The following PLEK2 variants were observed in gnomAD, a reference collection of about 807,000 sequenced individuals.
PLEK2 encodes pleckstrin-2.
In PLEK2, 29 loss-of-function variants were observed where a neutral mutation model predicts 43.8. That is an observed-to-expected ratio of 0.66 (90% CI 0.49 to 0.90). The LOEUF (loss-of-function observed/expected upper bound fraction) is 0.90. PLEK2 is among the 40% of genes least tolerant of loss of function. The probability of loss-of-function intolerance (pLI) is 0.00; values close to 1 mark genes in which losing one functional copy is unlikely to be tolerated. For synonymous variants in PLEK2, 162 were observed against 173.2 expected (o/e 0.94, Z 0.51); for missense variants, 398 against 448.1 (o/e 0.89, Z 1.01).
intron 7 of PLEK2, among the ~76,000 whole-genome samples, chr14:67,390,342 C>T (rs986788642): frequency 6.6e-6 from 1 of 152,146 alleles, no homozygotes; most frequent in Non-Finnish European, 1.5e-5. Flanking sequence ...GTAGGAGTCT[C>T]TGTCAGCCTA....
Position 67,392,531 on chromosome 14 carries a change from T to A in PLEK2, c.670-104A>T, listed in dbSNP as rs1595655623. On this transcript the variant is annotated intron_variant, in intron 5 of 8. Transcript: ENST00000216446. ...GAAATTCCTCAGGACAGGAACCTCA[T>A]TCTGCATCAGGATGAAGTCGTCCCC... 7 of 1,216,084 alleles carry A rather than the reference T, an allele frequency of 5.8e-6. No homozygotes were observed. The East Asian group carries it at 7.0e-5, about 12-fold the overall frequency. 75.3% of individuals were successfully genotyped at this position (1,216,084 alleles called of 1,614,324 possible).
chr14:67,398,277 T>C (rs1442037791), intron 1 of PLEK2, among the ~76,000 whole-genome samples: 1 of 152,102 alleles, frequency 6.6e-6, no homozygotes, highest in East Asian at 1.9e-4. Flanking sequence ...CAGGCTGGAG[T>C]ACAGTGGCAT....
intron 3 of PLEK2, among the ~76,000 whole-genome samples, chr14:67,393,859 A>T (rs969874287): frequency 6.6e-6 from 1 of 152,150 alleles, no homozygotes; most frequent in Non-Finnish European, 1.5e-5. Context: ...GTTTCACAAG[A>T]AAGTCTGAGG....
chr14:67,387,925 G>A (rs1031829334), intron 8 of PLEK2, among the ~76,000 whole-genome samples: 1 of 152,192 alleles, frequency 6.6e-6, no homozygotes, highest in Non-Finnish European at 1.5e-5. Flanking sequence ...AAGGTATGTT[G>A]TTAACCCTAA....
At chr14:67,403,498 A>G (rs1002280065) in intron 1 of PLEK2, among the ~76,000 whole-genome samples, 4 of 152,206 alleles carry the variant, frequency 2.6e-5, no homozygotes, top group Non-Finnish European at 5.9e-5. Context: ...CCAGCCAAAT[A>G]TTCTCTGTCC....
chr14:67,396,199 G>A (rs1330680698), intron 2 of PLEK2, among the ~76,000 whole-genome samples: 5 of 151,718 alleles, frequency 3.3e-5, no homozygotes, highest in Non-Finnish European at 4.4e-5. Flanking sequence ...CCAGGCTGGA[G>A]TACAATGGTG....
chr14:67,392,662 A>G lies in PLEK2; in HGVS notation c.669T>C (p.Phe223=). The G allele has an allele frequency of 6.2e-7, 1 of 1,608,450 alleles. No homozygotes were observed. The highest frequency in any genetic ancestry group is 8.5e-7 in the Non-Finnish European group (1 of 1,176,232). Reference sequence around the variant, plus strand: ...AAGAAGAACCCACTCCCCAACTTACAAAAGTGTACAGGGCTGTGGAGTCAT... The same window carrying G: ...AAGAAGAACCCACTCCCCAACTTACGAAAGTGTACAGGGCTGTGGAGTCAT... ...FLDDSTALYT[F]AESYKKKISP... Residue 223 remains phenylalanine (F), a splice_region_variant and synonymous_variant, in exon 5 of 9, where the codon TTT becomes TTC. Transcript: ENST00000216446.
intron 1 of PLEK2, among the ~76,000 whole-genome samples, chr14:67,399,655 G>C (rs931756063): frequency 1.4e-5 from 2 of 147,516 alleles, no homozygotes; most frequent in Non-Finnish European, 2.9e-5. Context: ...GTTCTCAGGT[G>C]GCAGGAATAA....
At chr14:67,388,201 C>G (rs1159085063) in intron 8 of PLEK2, 23 bp downstream of exon 8, 1 of 1,544,148 alleles carries the variant, frequency 6.5e-7, no homozygotes, top group Non-Finnish European at 9.0e-7. Flanking sequence ...GATCTTCAGG[C>G]CAGGGCTGAA....
Position 67,397,766 on chromosome 14 carries a change from A to C in PLEK2, c.103T>G (p.Tyr35Asp), listed in dbSNP as rs759671979. 6.2e-7 allele frequency: 1 copy of C among 1,613,478 alleles called. No individual in the cohort carries two copies. The highest frequency in any genetic ancestry group is 8.5e-7 in the Non-Finnish European group (1 of 1,179,678). ...CTCCGACCCCCCTCAAGCTTGTAGTACACCAGCGTGTTCTGCCGAAGGATG... is the reference window on the plus strand; with the variant it reads ...CTCCGACCCCCCTCAAGCTTGTAGTCCACCAGCGTGTTCTGCCGAAGGATG... ...WFILRQNTLV[Y>D]YKLEGGRRVT... is the part of the protein sequence containing the mutation. Residue 35 changes from tyrosine (Y) to aspartate (D), a missense_variant, in exon 2 of 9, where the codon TAC (tyrosine) becomes GAC (aspartate). Coordinates refer to ENST00000216446, the MANE Select transcript of PLEK2 (RefSeq NM_016445.3).
chr14:67,390,808 C>G (rs2085960974), intron 6 of PLEK2, 62 bp from the exon 7 acceptor site: 3 of 1,159,952 alleles, frequency 2.6e-6, no homozygotes, highest in Non-Finnish European at 3.9e-6. Flanking sequence ...TCTCCTGTAT[C>G]TATGCATGTA....
intron 2 of PLEK2, among the ~76,000 whole-genome samples, chr14:67,396,374 C>T (rs2086009790): frequency 6.6e-6 from 1 of 151,074 alleles, no homozygotes; most frequent in South Asian, 2.1e-4. Flanking sequence ...TCTTGAACTC[C>T]TGACCTCAGG....
At chr14:67,392,897 C>T (rs754716828) in intron 4 of PLEK2, 48 bp from the exon 5 acceptor site, 9 of 1,492,664 alleles carry the variant, frequency 6.0e-6, no homozygotes, top group Non-Finnish European at 7.3e-6. Context: ...GACCAGCGTC[C>T]TTGGGGTGTG....
rs1394335375 is a variant in PLEK2 at position 67,388,300 on chromosome 14, T to C, written c.858A>G (p.Glu286=). Residue 286 remains glutamate (E), a splice_region_variant and synonymous_variant, in exon 8 of 9, where the codon GAA becomes GAG. Coordinates refer to ENST00000216446, the MANE Select transcript of PLEK2 (RefSeq NM_016445.3). ...AAAACCCACCCACTGGCCTGTTCTC[T>C]TCCTGTAGAGGAAAGGAGACCCAAT... ...AFLHYYDPSK[E]ENRPVGGFSL... 12 of 1,607,480 alleles carry C rather than the reference T, an allele frequency of 7.5e-6. No individual in the cohort carries two copies. The highest frequency in any genetic ancestry group is 2.7e-5 in the African/African-American group (2 of 74,832).
chr14:67,404,961 C>T lies in PLEK2; in HGVS notation c.42+7057G>A, dbSNP rs74246572. Among the ~76,000 whole-genome samples, 123 of 151,602 alleles carry T rather than the reference C, an allele frequency of 8.1e-4. 1 individual carries two copies. The East Asian group carries it at 0.019, about 24-fold the overall frequency. On this transcript the variant is annotated intron_variant, in intron 1 of 8. Transcript: ENST00000216446. ...GAGTAATAAGAATGGTGGCCAGGTG[C>T]GGTGGCTCACACCTGTAATCCCAGA...
intron 1 of PLEK2, among the ~76,000 whole-genome samples, chr14:67,405,827 G>A (rs1457403271): frequency 6.6e-6 from 1 of 152,180 alleles, no homozygotes. Context: ...CTCAGAATTG[G>A]ACCCTACAGC....
intron 5 of PLEK2, 114 bp from the exon 6 acceptor site, chr14:67,392,541 G>A: frequency 8.3e-7 from 1 of 1,200,940 alleles, no homozygotes; most frequent in Non-Finnish European, 1.2e-6. Flanking sequence ...TTCTGCATCA[G>A]GATGAAGTCG....
chr14:67,394,873 G>A (rs747312698), intron 3 of PLEK2, among the ~76,000 whole-genome samples: 2 of 152,056 alleles, frequency 1.3e-5, no homozygotes, highest in East Asian at 1.9e-4. Flanking sequence ...AAGAGAGATC[G>A]GAGCAAGCAT....
At chr14:67,408,935 A>G (rs1293406624) in intron 1 of PLEK2, among the ~76,000 whole-genome samples, 1 of 151,952 alleles carries the variant, frequency 6.6e-6, no homozygotes, top group African/African-American at 2.4e-5. Context: ...CACATAAATG[A>G]TCCTTTATTG....
Sources: allele counts gnomAD v4.1 joint callset (sites outside exome capture counted in the v4.1 genomes callset), GRCh38; gene constraint gnomAD v4.1.1; transcripts MANE v1.5; gene names NCBI Gene and HGNC (gene_info 2026-07-23, HGNC 2026-07-21).